Variants in UBR4 observed in about 807,000 individuals in gnomAD.
The protein encoded by UBR4 is E3 ubiquitin-protein ligase UBR4.
In UBR4, 124 loss-of-function variants were observed where a neutral mutation model predicts 575.6. The ratio of observed to expected loss-of-function variants is 0.22; its 90% CI spans 0.19 to 0.25. UBR4 has a LOEUF of 0.25. UBR4 is among the 10% of genes least tolerant of loss of function. The pLI is 1.00. For synonymous variants in UBR4, 2,455 were observed against 2,473.7 expected (o/e 0.99, Z 0.22); for missense variants, 4,818 against 6,478.8 (o/e 0.74, Z 8.80).
chr1:19,150,829 T>G, intron 48 of UBR4, 36 bp from the exon 49 acceptor site: 1 of 1,607,006 alleles, frequency 6.2e-7, no homozygotes, highest in Non-Finnish European at 8.5e-7. Context: ...GGAAGCACAT[T>G]CTCTAAAAAG....
chr1:19,183,740 A>G lies in UBR4; in HGVS notation c.2184+71T>C. On this transcript the variant is annotated intron_variant, in intron 17 of 105. Transcript: ENST00000375254. The stretch of plus-strand genomic sequence containing the variant: ...CCATCTCAAAAAAACAAACAAACAA[A>G]CAATTGGAGCTGCAGCCTATGGAAG... 2.0e-6 allele frequency: 3 copies of G among 1,482,606 alleles called. No individual in the cohort carries two copies. In the South Asian group the frequency reaches 3.5e-5, roughly 17 times the overall value. 91.8% of individuals were successfully genotyped at this position (1,482,606 alleles called of 1,614,324 possible).
chr1:19,096,321 A>G (rs1292036706), intron 92 of UBR4, among the ~76,000 whole-genome samples: 1 of 152,188 alleles, frequency 6.6e-6, no homozygotes, highest in Non-Finnish European at 1.5e-5. Flanking sequence ...GAGGTATTGG[A>G]GAAGGGAAGT....
intron 55 of UBR4, 65 bp from the exon 56 acceptor site, chr1:19,141,842 A>C: frequency 6.3e-7 from 1 of 1,587,324 alleles, no homozygotes; most frequent in Non-Finnish European, 8.6e-7. Flanking sequence ...ATGGTGCCAT[A>C]AGTCAGGTGG....
intron 54 of UBR4, 78 bp from the exon 55 acceptor site, chr1:19,144,169 G>A (rs917233479): frequency 2.3e-5 from 30 of 1,331,304 alleles, no homozygotes; most frequent in Non-Finnish European, 3.0e-5. Context: ...TTCCTTTCTT[G>A]GTCACTCACT....
At position 19,146,829 on chromosome 1, in the gene UBR4, T is replaced by C; in HGVS notation, c.7801A>G (p.Thr2601Ala). Residue 2601 changes from threonine (T) to alanine (A), a missense_variant, in exon 52 of 106, where the codon ACA (threonine) becomes GCA (alanine). Coordinates refer to ENST00000375254, the MANE Select transcript of UBR4 (RefSeq NM_020765.3). The stretch of plus-strand genomic sequence containing the variant: ...CGGCCACAGAGGCCAAGTTCACCTG[T>C]TTCCATCTGGGGCAGCTTTGACTCC... ...FTESKLPQME[T>A]EGMDEGKEPQ... 1 of 1,612,728 alleles carries C rather than the reference T, an allele frequency of 6.2e-7. No individual in the cohort carries two copies. Among genetic ancestry groups the C allele is most frequent in the East Asian group, 2.2e-5 (1 of 44,828 alleles).
intron 103 of UBR4, 72 bp from the exon 104 acceptor site, chr1:19,078,138 C>T (rs1299321305): frequency 1.3e-6 from 2 of 1,497,140 alleles, no homozygotes; most frequent in Admixed American, 3.7e-5. Flanking sequence ...GCAAGGCATG[C>T]TGGGAGCAAG....
intron 1 of UBR4, among the ~76,000 whole-genome samples, chr1:19,204,473 C>A (rs1425514407): frequency 2.0e-5 from 3 of 151,798 alleles, no homozygotes; most frequent in Non-Finnish European, 2.9e-5. Context: ...TACTGCCCAC[C>A]CAAAGGATGG....
chr1:19,093,936 C>T lies in UBR4; in HGVS notation c.13937+13G>A, dbSNP rs1475449805. 6.2e-7 allele frequency: 1 copy of T among 1,604,458 alleles called. No homozygotes were observed. Among genetic ancestry groups the T allele is most frequent in the Non-Finnish European group, 8.5e-7 (1 of 1,173,224 alleles). On this transcript the variant is annotated intron_variant, in intron 95 of 105. Transcript: ENST00000375254. The surrounding 1 kb of genome is among the most constrained non-coding windows in gnomAD (Gnocchi z 4.8). ...AGACTCTCATTTCACTATATGAAAT[C>T]AAAGTAACATACTTATCAAAGTTGC...
intron 102 of UBR4, chr1:19,081,775 T>C: frequency 1.4e-6 from 1 of 718,070 alleles, no homozygotes; most frequent in Non-Finnish European, 2.6e-6. Flanking sequence ...AGGCCCTTCT[T>C]CGCGGCATCT....
At position 19,112,730 on chromosome 1, in the gene UBR4, G is replaced by T. The variant is rs575327965; in HGVS notation, c.11595C>A (p.Gly3865=). The change falls in exon 78 of 106, where the codon GGC becomes GGA. Residue 3865 remains glycine, a synonymous_variant. Coordinates refer to ENST00000375254, the MANE Select transcript of UBR4 (RefSeq NM_020765.3). ...CATAGCACTTGGTGGAGGATGTGTG[G>T]CCACAGCCCAGGACGGATAAGGCAC... ...QYRALSVLGC[G]HTSSTKCYGC... is the part of the protein sequence containing the mutation. The T allele has an allele frequency of 1.8e-5, 29 of 1,614,114 alleles. No individual in the cohort carries two copies. Among genetic ancestry groups the T allele is most frequent in the Non-Finnish European group, 2.5e-5 (29 of 1,180,044 alleles).
At chr1:19,191,201 G>A (rs548860517) in intron 11 of UBR4, among the ~76,000 whole-genome samples, 1 of 152,310 alleles carries the variant, frequency 6.6e-6, no homozygotes, top group South Asian at 2.1e-4. Context: ...TGGGCGCAGT[G>A]GCTCACACCT....
At chr1:19,149,463 T>A (rs977382650) in intron 49 of UBR4, among the ~76,000 whole-genome samples, 2 of 152,162 alleles carry the variant, frequency 1.3e-5, no homozygotes, top group African/African-American at 4.8e-5. Context: ...AGGACTTTGC[T>A]GTTAATCCCT....
chr1:19,115,504 C>A lies in UBR4; in HGVS notation c.10957G>T (p.Ala3653Ser). 4 of 1,614,204 alleles carry A rather than the reference C, an allele frequency of 2.5e-6. No homozygotes were observed. The highest frequency in any genetic ancestry group is 3.4e-6 in the Non-Finnish European group (4 of 1,180,032). ...GGGCACTGCAGGGTCTCTGTGGAGG[C>A]CTGGTAGTTTTCATAGAAGTCTGCA... Reference protein sequence around the residue: ...EFADFYENYQASTETLQCPRC... With the variant: ...EFADFYENYQSSTETLQCPRC... Residue 3653 changes from alanine to serine, a missense_variant, in exon 74 of 106, where the codon GCC (alanine) becomes TCC (serine). This residue lies in a region of UBR4 where 550 missense variants were observed against 791.5 expected (regional missense o/e 0.69). Transcript: ENST00000375254.
At chr1:19,171,832 G>A (rs533039735) in intron 25 of UBR4, among the ~76,000 whole-genome samples, 35 of 152,206 alleles carry the variant, frequency 2.3e-4, no homozygotes, top group African/African-American at 7.9e-4. Flanking sequence ...GTGACACAGT[G>A]AGATTCCATC....
chr1:19,153,813 G>A lies in UBR4; in HGVS notation c.6585C>T (p.Asp2195=), dbSNP rs2086064527. The change falls in exon 45 of 106, where the codon GAC becomes GAT. Residue 2195 remains aspartate (D), a synonymous_variant. Transcript: ENST00000375254. The surrounding 1 kb of genome is among the most constrained non-coding windows in gnomAD (Gnocchi z 4.1). ...TCTTAATCTCCTGGATAAGAAAAGT[G>A]TCTGGTTTCACCATAACTACCAGCG... The part of the protein sequence containing the change: ...GVPLVVMVKP[D]TFLIQEIKTL... 1.2e-6 allele frequency: 2 copies of A among 1,614,188 alleles called. No homozygotes were observed. The highest frequency in any genetic ancestry group is 2.7e-5 in the African/African-American group (2 of 75,048).
chr1:19,203,927 G>A (rs1306448024), intron 1 of UBR4, among the ~76,000 whole-genome samples: 1 of 152,144 alleles, frequency 6.6e-6, no homozygotes. Flanking sequence ...AGGCTCACAT[G>A]TACAGCAGAA....
intron 61 of UBR4, among the ~76,000 whole-genome samples, chr1:19,128,598 G>A (rs2082077152): frequency 6.6e-6 from 1 of 152,234 alleles, no homozygotes; most frequent in African/African-American, 2.4e-5. Context: ...CAAGTAGCTT[G>A]AGAAAGGGTG....
chr1:19,104,562 G>T, intron 86 of UBR4, 23 bp downstream of exon 86: 1 of 1,613,314 alleles, frequency 6.2e-7, no homozygotes, highest in Non-Finnish European at 8.5e-7. Context: ...ATGCCCTAAA[G>T]GAAGGTCCAG....
In UBR4 at chr1:19,153,327, ACAGGCTT is replaced by A. The variant is rs1424307958; in HGVS notation, c.6799_6805del (p.Lys2267PhefsTer17). On this transcript the variant is annotated frameshift_variant, in exon 46 of 106. Coordinates refer to ENST00000375254, the MANE Select transcript of UBR4 (RefSeq NM_020765.3). LOFTEE classifies it high-confidence loss of function. The surrounding 1 kb of genome is among the most constrained non-coding windows in gnomAD (Gnocchi z 4.1). ...GATTGTAGCTGTTTTGCGCTTTCGA[ACAGGCTT>A]CATGATGCTGATGACACTGCTGGGC... The A allele has an allele frequency of 6.2e-7, 1 of 1,614,164 alleles. No homozygotes were observed.
Sources: allele counts gnomAD v4.1 joint callset (sites outside exome capture counted in the v4.1 genomes callset), GRCh38; gene constraint gnomAD v4.1.1; regional missense constraint gnomAD v4.1.1; non-coding constraint Gnocchi (gnomAD v3.1); transcripts MANE v1.5; gene names NCBI Gene and HGNC (gene_info 2026-07-23, HGNC 2026-07-21).